Variants in CDH24 observed in about 807,000 individuals in gnomAD.
The protein encoded by CDH24 is cadherin-24.
A neutral mutation model predicts 71.2 loss-of-function variants in CDH24; 61 were observed. The ratio of observed to expected loss-of-function variants is 0.86; its 90% CI spans 0.70 to 1.06. The LOEUF is 1.06. Ranked by LOEUF, CDH24 falls within the 50% of genes least tolerant of loss-of-function variation. The pLI is 0.00. For missense variants in CDH24, 961 were observed against 1,083.7 expected (o/e 0.89, Z 1.59); for synonymous variants, 440 against 470.2 (o/e 0.94, Z 0.83).
Position 23,048,075 on chromosome 14 carries a change from C to T in CDH24, c.2251G>A (p.Gly751Ser). 11 of 1,422,188 alleles carry T rather than the reference C, an allele frequency of 7.7e-6. No homozygotes were observed. Among genetic ancestry groups the T allele is most frequent in the Admixed American group, 3.0e-5 (1 of 33,028 alleles). The allele number at this position is 1,422,188 out of a possible 1,614,324, so 88.1% of individuals were successfully genotyped here. A position where few individuals can be genotyped will look rare whatever the true frequency, so the allele number is the denominator to read the frequency against. ...SSLGSGSEAG[G>S]APGPAEPLDD... ...AGCGGCTCCGCGGGGCCGGGGGCGCCGCCGGCTTCGCTGCCGGAGCCCAGG... is the reference window on the plus strand; with the variant it reads ...AGCGGCTCCGCGGGGCCGGGGGCGCTGCCGGCTTCGCTGCCGGAGCCCAGG... Residue 751 changes from glycine (G) to serine (S), a missense_variant, in exon 12 of 13, where the codon GGC becomes AGC. By Grantham distance (56) the Gly-to-Ser change is moderately conservative. Coordinates refer to ENST00000487137, the MANE Select transcript of CDH24 (RefSeq NM_144985.4).
intron 11 of CDH24, 92 bp from the exon 12 acceptor site, chr14:23,048,571 G>A: frequency 7.6e-7 from 1 of 1,320,660 alleles, no homozygotes; most frequent in East Asian, 2.4e-5. Flanking sequence ...TCAGGTGACA[G>A]AAGCCCTGTG....
rs2047115116 is a variant in CDH24 at position 23,054,929 on chromosome 14, G to A, written c.497-63C>T. On this transcript the variant is annotated intron_variant, in intron 3 of 12. Coordinates refer to ENST00000487137, the MANE Select transcript of CDH24 (RefSeq NM_144985.4). This position sits in a 1 kb window ranked among gnomAD's most constrained non-coding sequence, Gnocchi z 5.2. ...GGAAGGATGGGGAAGAACAACCGAT[G>A]GGGGGGGATGCAGATACGAGGGAGG... 3 of 1,497,970 alleles carry A rather than the reference G, an allele frequency of 2.0e-6. No homozygotes were observed. The highest frequency in any genetic ancestry group is 2.7e-6 in the Non-Finnish European group (3 of 1,126,138). The allele number at this position is 1,497,970 out of a possible 1,614,324, so 92.8% of individuals were successfully genotyped here. A position where few individuals can be genotyped will look rare whatever the true frequency, so the allele number is the denominator to read the frequency against.
chr14:23,052,653 C>G (rs375742256), intron 7 of CDH24, 44 bp from the exon 8 acceptor site: 7 of 1,599,318 alleles, frequency 4.4e-6, no homozygotes, highest in Non-Finnish European at 5.1e-6. Flanking sequence ...GGGGCGGGAC[C>G]ACAGCTTGTT....
In CDH24 at chr14:23,054,387, C is replaced by T. The variant is rs2047109089; in HGVS notation, c.785-59G>A. The T allele has an allele frequency of 3.2e-6, 5 of 1,546,952 alleles. No individual in the cohort carries two copies. The highest frequency in any genetic ancestry group is 3.5e-6 in the Non-Finnish European group (4 of 1,144,380). Reference sequence around the variant, plus strand: ...GAGGTCCCCAGCCCTCCTCCCTCCCCACAGCACTTTATTCTCCCAGGATCT... The same window carrying T: ...GAGGTCCCCAGCCCTCCTCCCTCCCTACAGCACTTTATTCTCCCAGGATCT... On this transcript the variant is annotated intron_variant, in intron 5 of 12. Coordinates refer to ENST00000487137, the MANE Select transcript of CDH24 (RefSeq NM_144985.4). This position sits in a 1 kb window ranked among gnomAD's most constrained non-coding sequence, Gnocchi z 5.2.
chr14:23,051,867 G>C lies in CDH24; in HGVS notation c.1363+606C>G. The C allele has an allele frequency of 1.6e-6, 1 of 638,484 alleles. No individual in the cohort carries two copies. The highest frequency in any genetic ancestry group is 2.0e-5 in the South Asian group (1 of 48,934). The allele number at this position is 638,484 out of a possible 1,614,324, so 39.6% of individuals were successfully genotyped here. On this transcript the variant is annotated intron_variant, in intron 8 of 12. Coordinates refer to ENST00000487137, the MANE Select transcript of CDH24 (RefSeq NM_144985.4). The surrounding 1 kb of genome is among the most constrained non-coding windows in gnomAD (Gnocchi z 4.4). ...GAGGTCTCCCTGTCTGTATGGGCTAGGGCTGCCCAGAGGCAGCTGAACCCG... is the reference window on the plus strand; with the variant it reads ...GAGGTCTCCCTGTCTGTATGGGCTACGGCTGCCCAGAGGCAGCTGAACCCG...
chr14:23,048,158 T>C lies in CDH24; in HGVS notation c.2168A>G (p.Asp723Gly). ...CTCGTAGCCGTACACCTGCACCGAG[T>C]CGTACGGGGGTACGCCGGGGTCCTC... is the stretch of plus-strand genomic sequence containing the variant. ...ADEDPGVPPY[D>G]SVQVYGYEGR... is the part of the protein sequence containing the mutation. Residue 723 changes from aspartate to glycine, a missense_variant, in exon 12 of 13, where the codon GAC becomes GGC. Physicochemically the swap from Asp to Gly is moderately conservative, Grantham distance 94. Transcript: ENST00000487137. 1.5e-6 allele frequency: 2 copies of C among 1,371,242 alleles called. No individual in the cohort carries two copies. The highest frequency in any genetic ancestry group is 1.9e-6 in the Non-Finnish European group (2 of 1,061,002). 84.9% of individuals were successfully genotyped at this position (1,371,242 alleles called of 1,614,324 possible).
rs532517681 is a variant in CDH24 at position 23,051,853 on chromosome 14, G to A, written c.1363+620C>T. 40 of 584,348 alleles carry A rather than the reference G, an allele frequency of 6.8e-5. No individual in the cohort carries two copies. In the South Asian group the frequency reaches 9.3e-4, roughly 14 times the overall value. 36.2% of individuals were successfully genotyped at this position (584,348 alleles called of 1,614,324 possible). A position where few individuals can be genotyped will look rare whatever the true frequency, so the allele number is the denominator to read the frequency against. ...AGAAGATCGGGAGGGAGGTCTCCCT[G>A]TCTGTATGGGCTAGGGCTGCCCAGA... On this transcript the variant is annotated intron_variant, in intron 8 of 12. Coordinates refer to ENST00000487137, the MANE Select transcript of CDH24 (RefSeq NM_144985.4). This position sits in a 1 kb window ranked among gnomAD's most constrained non-coding sequence, Gnocchi z 4.4.
rs2047092363 is a variant in CDH24, at chr14:23,052,492, A to G, written c.1344T>C (p.Thr448=). Residue 448 remains threonine (T), a synonymous_variant, in exon 8 of 13, where the codon ACT becomes ACC. Transcript: ENST00000487137. ...CCTCACCGAGCTCTGTAGCCAGCAC[A>G]GTGAGGTTGTGCCAGGCGCGAGCCT... ...DREARAWHNL[T]VLATELDSSA... is the part of the protein sequence containing the mutation. 3.1e-6 allele frequency: 5 copies of G among 1,613,874 alleles called. No homozygotes were observed. The South Asian group carries it at 5.5e-5, about 18-fold the overall frequency.
rs928218480 is a variant in CDH24, at chr14:23,048,612, T to C, written c.1847-133A>G. 5.8e-6 allele frequency: 5 copies of C among 865,506 alleles called. No individual in the cohort carries two copies. The Admixed American group carries it at 1.1e-4, about 19-fold the overall frequency. The allele number at this position is 865,506 out of a possible 1,614,324, so 53.6% of individuals were successfully genotyped here. A position where few individuals can be genotyped will look rare whatever the true frequency, so the allele number is the denominator to read the frequency against. The stretch of plus-strand genomic sequence containing the variant: ...GGGCTGACATCTAGCAAACCTTGCA[T>C]TGAATCCTGACTTCAGCCCTTACTC... On this transcript the variant is annotated intron_variant, in intron 11 of 12. Transcript: ENST00000487137.
Position 23,051,961 on chromosome 14 carries a change from C to G in CDH24, c.1363+512G>C. 1 of 1,503,522 alleles carries G rather than the reference C, an allele frequency of 6.7e-7. No individual in the cohort carries two copies. The highest frequency in any genetic ancestry group is 9.1e-7 in the Non-Finnish European group (1 of 1,103,880). The allele number at this position is 1,503,522 out of a possible 1,614,324, so 93.1% of individuals were successfully genotyped here. On this transcript the variant is annotated intron_variant, in intron 8 of 12. Transcript: ENST00000487137. This position sits in a 1 kb window ranked among gnomAD's most constrained non-coding sequence, Gnocchi z 4.4. Reference sequence around the variant, plus strand: ...CTCCTCCCCTTCCTTATGGTGTCCACTCCCCTACCTTGGGGGATTCCCACA... The same window carrying G: ...CTCCTCCCCTTCCTTATGGTGTCCAGTCCCCTACCTTGGGGGATTCCCACA...
Position 23,047,644 on chromosome 14 carries a change from G to A in CDH24, c.*336C>T, listed in dbSNP as rs562376823. The A allele has an allele frequency of 4.0e-4, 88 of 219,120 alleles. 1 individual carries two copies. In the South Asian group the frequency reaches 0.015, roughly 37 times the overall value. 13.6% of individuals were successfully genotyped at this position (219,120 alleles called of 1,614,324 possible). On this transcript the variant is annotated 3_prime_UTR_variant, in exon 12 of 13. Transcript: ENST00000487137. Reference sequence around the variant, plus strand: ...GGCAAGGAAGACGCAGGGAGACTATGTGTGAGCTTCAGAACTGCAGAGACA... The same window carrying A: ...GGCAAGGAAGACGCAGGGAGACTATATGTGAGCTTCAGAACTGCAGAGACA...
chr14:23,052,404 AC>A, intron 8 of CDH24, 68 bp downstream of exon 8: 1 of 1,567,838 alleles, frequency 6.4e-7, no homozygotes, highest in Non-Finnish European at 8.7e-7. Context: ...ACCCTTCTCC[AC>A]CCCCACACCC....
Position 23,055,868 on chromosome 14 carries a change from A to C in CDH24, c.-124-11T>G. The C allele has an allele frequency of 1.4e-6, 1 of 717,906 alleles. No homozygotes were observed. The highest frequency in any genetic ancestry group is 2.2e-6 in the Non-Finnish European group (1 of 444,554). 44.5% of individuals were successfully genotyped at this position (717,906 alleles called of 1,614,324 possible). On this transcript the variant is annotated splice_polypyrimidine_tract_variant and intron_variant, in intron 1 of 12. Transcript: ENST00000487137. This position sits in a 1 kb window ranked among gnomAD's most constrained non-coding sequence, Gnocchi z 4.1. The stretch of plus-strand genomic sequence containing the variant: ...CCCATGGATCCACACCTGCAGGACA[A>C]GCAGCTGCTCAGGCTCAAGGAAACC...
At position 23,057,222 on chromosome 14, in the gene CDH24, G is replaced by A. The variant is rs972759464; in HGVS notation, c.-125+181C>T. Among the ~76,000 whole-genome samples, 3 of 152,034 alleles carry A rather than the reference G, an allele frequency of 2.0e-5. No individual in the cohort carries two copies. Among genetic ancestry groups the A allele is most frequent in the African/African-American group, 7.2e-5 (3 of 41,402 alleles). Reference sequence around the variant, plus strand: ...AGAGAAGGAAGGGTGAAGAGAAATCGAGAGAAGAAAGAGGGAGAGAGGTGC... The same window carrying A: ...AGAGAAGGAAGGGTGAAGAGAAATCAAGAGAAGAAAGAGGGAGAGAGGTGC... On this transcript the variant is annotated intron_variant, in intron 1 of 12. Coordinates refer to ENST00000487137, the MANE Select transcript of CDH24 (RefSeq NM_144985.4). The surrounding 1 kb of genome is among the most constrained non-coding windows in gnomAD (Gnocchi z 5.4).
Position 23,054,175 on chromosome 14 carries a change from A to T in CDH24, c.938T>A (p.Leu313Ter). Residue 313 changes from leucine (L) to a stop codon, truncating the protein, a stop_gained, in exon 6 of 13, where the codon TTG (leucine) becomes TAG (stop). Transcript: ENST00000487137. LOFTEE classifies it high-confidence loss of function. The surrounding 1 kb of genome is among the most constrained non-coding windows in gnomAD (Gnocchi z 5.2). ...AGTGAGGAGCCCGTCTCGACCCTGC[A>T]AGTCTGTGCTGATGCTGAAGGCCTC... ...GSEAFSISTDLQGRDGLLTVR... is the reference protein window; with the variant it reads ...GSEAFSISTD 1.9e-6 allele frequency: 3 copies of T among 1,610,894 alleles called. No homozygotes were observed. The highest frequency in any genetic ancestry group is 2.5e-6 in the Non-Finnish European group (3 of 1,178,352).
chr14:23,048,024 T>G lies in CDH24; in HGVS notation c.2302A>C (p.Thr768Pro). 6.9e-7 allele frequency: 1 copy of G among 1,444,848 alleles called. No individual in the cohort carries two copies. Among genetic ancestry groups the G allele is most frequent in the Non-Finnish European group, 9.1e-7 (1 of 1,104,444 alleles). 89.5% of individuals were successfully genotyped at this position (1,444,848 alleles called of 1,614,324 possible). A position where few individuals can be genotyped will look rare whatever the true frequency, so the allele number is the denominator to read the frequency against. The part of the protein sequence containing the change: ...PLDDWGPLFR[T>P]LAELYGAKEP... ...TTGGCCCCATACAGCTCGGCCAGGG[T>G]GCGGAAGAGCGGACCCCAGTCGTCC... The change falls in exon 12 of 13, where the codon ACC becomes CCC. Residue 768 changes from threonine (T) to proline (P), a missense_variant. Thr to Pro is a conservative substitution (Grantham distance 38). This residue lies in a region of CDH24 where 290 missense variants were observed against 272.8 expected (regional missense o/e 1.06). Transcript: ENST00000487137.
In CDH24 at chr14:23,051,917, A is replaced by G. The variant is rs2047087422; in HGVS notation, c.1363+556T>C. 1.9e-6 allele frequency: 2 copies of G among 1,031,694 alleles called. No homozygotes were observed. The highest frequency in any genetic ancestry group is 1.4e-6 in the Non-Finnish European group (1 of 701,668). The allele number at this position is 1,031,694 out of a possible 1,614,324, so 63.9% of individuals were successfully genotyped here. ...GCTGCTGGCCTGACTGATGGGGGAG[A>G]CCGCATATGGAGCTGGCACTCCTCC... is the stretch of plus-strand genomic sequence containing the variant. On this transcript the variant is annotated intron_variant, in intron 8 of 12. Coordinates refer to ENST00000487137, the MANE Select transcript of CDH24 (RefSeq NM_144985.4). The surrounding 1 kb of genome is among the most constrained non-coding windows in gnomAD (Gnocchi z 4.4).
intron 1 of CDH24, among the ~76,000 whole-genome samples, chr14:23,056,185 C>T (rs767243581): frequency 2.6e-5 from 4 of 152,176 alleles, no homozygotes; most frequent in Non-Finnish European, 5.9e-5. Context: ...TTGGAGGAGG[C>T]GGGGCTACCA....
chr14:23,048,272 A>G lies in CDH24; in HGVS notation c.2054T>C (p.Leu685Ser). 1 of 1,543,858 alleles carries G rather than the reference A, an allele frequency of 6.5e-7. No homozygotes were observed. The highest frequency in any genetic ancestry group is 8.7e-7 in the Non-Finnish European group (1 of 1,152,830). ...APGPPARRDV[L>S]PRARVSRQPR... is the part of the protein sequence containing the mutation. ...CTGGCGCGACACCCGGGCCCGGGGC[A>G]ACACGTCTCGGCGCGCGGGAGGGCC... The change falls in exon 12 of 13, where the codon TTG becomes TCG. Residue 685 changes from leucine (L) to serine (S), a missense_variant. Leu to Ser is a moderately radical substitution (Grantham distance 145, BLOSUM62 -2). Transcript: ENST00000487137.
Sources: gnomAD v4.1 joint callset for allele counts (sites outside exome capture counted in the v4.1 genomes callset) on GRCh38, gnomAD v4.1.1 for gene constraint, gnomAD v4.1.1 regional missense constraint, Gnocchi (gnomAD v3.1) non-coding constraint, MANE v1.5 for transcripts, NCBI Gene and HGNC (gene_info 2026-07-23, HGNC 2026-07-21) for gene names.